ZNF3: variants seen among roughly 807,000 people sequenced by gnomAD.
ZNF3 encodes the protein zinc finger protein 3.
A neutral mutation model predicts 36.9 loss-of-function variants in ZNF3; 16 were observed. That is an observed-to-expected ratio of 0.43 (90% confidence interval 0.29 to 0.66). The LOEUF is 0.66. Ranked by LOEUF, ZNF3 falls within the 30% of genes least tolerant of loss-of-function variation. The probability of loss-of-function intolerance (pLI) is 0.13; values close to 1 mark genes in which losing one functional copy is unlikely to be tolerated. For missense variants in ZNF3, 462 were observed against 543.1 expected, an observed-to-expected ratio of 0.85 and a Z score of 1.48; for synonymous variants, 201 against 201.9, an observed-to-expected ratio of 1.00 and a Z score of 0.04.
downstream of ZNF3, among the ~76,000 whole-genome samples, chr7:100,065,813 G>A (rs1792622480): frequency 6.7e-6 from 1 of 150,052 alleles, no homozygotes; most frequent in Non-Finnish European, 1.5e-5. Context: ...TGGCCATAGG[G>A]TGAGTCTGTT....
intron 5 of ZNF3, among the ~76,000 whole-genome samples, chr7:100,074,175 T>C (rs543396160): frequency 1.3e-5 from 2 of 152,082 alleles, no homozygotes; most frequent in South Asian, 4.2e-4. Flanking sequence ...GGTACCAGAT[T>C]TGGAGTTAAA....
intron 2 of ZNF3, among the ~76,000 whole-genome samples, chr7:100,077,993 G>C (rs905660127): frequency 6.6e-6 from 1 of 151,722 alleles, no homozygotes; most frequent in African/African-American, 2.4e-5. Context: ...GCCTCCCCAA[G>C]TGCTAGGATT....
downstream of ZNF3, among the ~76,000 whole-genome samples, chr7:100,065,777 A>T (rs1792620926): frequency 6.6e-6 from 1 of 151,246 alleles, no homozygotes; most frequent in Admixed American, 6.6e-5. Context: ...CCTGCTAAAC[A>T]TATCCCAATT....
exon 6 of ZNF3, chr7:100,064,560 C>T (rs1486892923): frequency 1.2e-6 from 2 of 1,614,090 alleles, no homozygotes; most frequent in African/African-American, 2.7e-5. Flanking sequence ...CCTTCTGTAG[C>T]AAGTCCAATC....
chr7:100,065,170 G>GTA, downstream of ZNF3: 1 of 470,490 alleles, frequency 2.1e-6, no homozygotes, highest in Non-Finnish European at 3.7e-6. Context: ...GCTTACGCCT[G>GTA]TAATCCCAGC....
intron 2 of ZNF3, 129 bp downstream of exon 2, chr7:100,079,407 T>C (rs1219865545): frequency 6.6e-6 from 1 of 152,258 alleles, no homozygotes; most frequent in Admixed American, 6.6e-5. Context: ...AACTCTCCAT[T>C]GTGCCCCCAT....
rs935112199 is a variant in ZNF3, at chr7:100,081,358, G to A, written c.-198+277C>T. Among the ~76,000 whole-genome samples the A allele has an allele frequency of 3.3e-5, 5 of 152,250 alleles. No individual in the cohort carries two copies. The highest frequency in any genetic ancestry group is 1.2e-4 in the African/African-American group (5 of 41,468). On this transcript the variant is annotated intron_variant, in intron 1 of 5. Transcript: ENST00000299667. The surrounding 1 kb of genome is among the most constrained non-coding windows in gnomAD (Gnocchi z 4.3). ...AAGAGAGAGGCGCCCCTACCGCTCT[G>A]CTGAAACTTTTAAACGCTCCAGCTG...
chr7:100,074,148 C>T (rs1164489189), intron 5 of ZNF3, among the ~76,000 whole-genome samples: 1 of 151,772 alleles, frequency 6.6e-6, no homozygotes, highest in Non-Finnish European at 1.5e-5. Context: ...GAGTGAAACT[C>T]CATCTCAAAA....
upstream of ZNF3, chr7:100,082,275 A>G (rs765783134): frequency 2.6e-5 from 4 of 152,284 alleles, no homozygotes; most frequent in Non-Finnish European, 4.4e-5. Flanking sequence ...TGTACAGGTG[A>G]TGAGAGCAGA....
intron 2 of ZNF3, chr7:100,077,977 A>G (rs996871306): frequency 2.7e-5 from 4 of 150,598 alleles, no homozygotes; most frequent in African/African-American, 9.8e-5. Context: ...TGATCCGCCC[A>G]CCCCAGCCTC....
Position 100,070,950 on chromosome 7 carries a change from C to T in ZNF3, c.*193G>A. 2 of 1,379,980 alleles carry T rather than the reference C, an allele frequency of 1.4e-6. No homozygotes were observed. Among genetic ancestry groups the T allele is most frequent in the Non-Finnish European group, 1.9e-6 (2 of 1,072,448 alleles). The allele number at this position is 1,379,980 out of a possible 1,614,324, so 85.5% of individuals were successfully genotyped here. ...GAGCTGCTTTCTATTCCCAGCACGC[C>T]ATCCACTTGCCTTGACGCTTTCTAA... is the stretch of plus-strand genomic sequence containing the variant. On this transcript the variant is annotated 3_prime_UTR_variant, in exon 6 of 6. Transcript: ENST00000299667.
intron 5 of ZNF3, among the ~76,000 whole-genome samples, chr7:100,073,092 G>A (rs1183418858): frequency 6.6e-6 from 1 of 152,144 alleles, no homozygotes; most frequent in African/African-American, 2.4e-5. Flanking sequence ...GAGAGATGGT[G>A]GCAGGATTCA....
At chr7:100,067,125 G>A (rs759585741), downstream of ZNF3, among the ~76,000 whole-genome samples, 4 of 152,088 alleles carry the variant, frequency 2.6e-5, no homozygotes, top group Non-Finnish European at 5.9e-5. Flanking sequence ...CAGTGCTGCC[G>A]CCTGGCCTCT....
In ZNF3 at chr7:100,071,925, G is replaced by A. The variant is rs957216401; in HGVS notation, c.559C>T (p.Leu187Phe). ...FGNSFTVNSN[L>F]ISHQRLPVGD... is the part of the protein sequence containing the mutation. ...ACGGGGAGTCTCTGATGTGAGATAA[G>A]GTTGGAATTCACAGTGAAGCTGTTC... Residue 187 changes from leucine (L) to phenylalanine (F), a missense_variant, in exon 6 of 6, where the codon CTT (leucine) becomes TTT (phenylalanine). Leu to Phe is a conservative substitution (Grantham distance 22). Coordinates refer to ENST00000299667, the MANE Select transcript of ZNF3 (RefSeq NM_032924.5). 1 of 1,614,226 alleles carries A rather than the reference G, an allele frequency of 6.2e-7. No individual in the cohort carries two copies. The highest frequency in any genetic ancestry group is 1.1e-5 in the South Asian group (1 of 91,084).
intron 2 of ZNF3, chr7:100,078,725 G>A (rs1183866072): frequency 6.6e-6 from 1 of 151,952 alleles, no homozygotes; most frequent in Non-Finnish European, 1.5e-5. Flanking sequence ...AACCAACCCT[G>A]GATTTGATCT....
In ZNF3 at chr7:100,071,174, G is replaced by A. The variant is rs774181879; in HGVS notation, c.1310C>T (p.Thr437Met). The change falls in exon 6 of 6, where the codon ACG becomes ATG. Residue 437 changes from threonine to methionine, a missense_variant. Physicochemically the swap from Thr to Met is moderately conservative, Grantham distance 81. Coordinates refer to ENST00000299667, the MANE Select transcript of ZNF3 (RefSeq NM_032924.5). ...GGACTCTCTGATATTTAACTCGGTC[G>A]TAACTCTGAGGGAGCTTTTGCTCAT... is the stretch of plus-strand genomic sequence containing the variant. ...IGMSKSSLRVTTELNIREST is the reference protein window; with the variant it reads ...IGMSKSSLRVMTELNIREST 5.9e-5 allele frequency: 95 copies of A among 1,605,164 alleles called. 1 individual carries two copies. Among genetic ancestry groups the A allele is most frequent in the Middle Eastern group, 3.4e-4 (2 of 5,954 alleles).
downstream of ZNF3, among the ~76,000 whole-genome samples, chr7:100,068,963 C>T (rs1158523493): frequency 1.3e-5 from 2 of 151,708 alleles, no homozygotes; most frequent in South Asian, 2.1e-4. Context: ...ATTACAGGCA[C>T]GTGCCACCAC....
intron 2 of ZNF3, 92 bp from the exon 3 acceptor site, chr7:100,077,525 G>C: frequency 8.2e-7 from 1 of 1,221,516 alleles, no homozygotes; most frequent in African/African-American, 1.5e-5. Context: ...GAGTACCCAG[G>C]AACAGTGAGA....
intron 2 of ZNF3, chr7:100,078,931 G>GA (rs148494991): frequency 3.3e-5 from 5 of 151,040 alleles, no homozygotes; most frequent in Non-Finnish European, 5.9e-5. Flanking sequence ...GAGAATAAAA[G>GA]AAAAAAAAAG....
Sources: gnomAD v4.1 joint callset for allele counts (sites outside exome capture counted in the v4.1 genomes callset) on GRCh38, gnomAD v4.1.1 for gene constraint, Gnocchi (gnomAD v3.1) non-coding constraint, MANE v1.5 for transcripts, NCBI Gene and HGNC (gene_info 2026-07-23, HGNC 2026-07-21) for gene names.